Variants in DAB1 observed in about 807,000 individuals in gnomAD.
DAB1 encodes the protein DAB adaptor protein 1.
DAB1 carries 15 observed loss-of-function variants against 64.6 expected under a neutral mutation model. That is an observed-to-expected ratio of 0.23 (90% CI 0.16 to 0.36). The LOEUF (loss-of-function observed/expected upper bound fraction) is 0.36, where lower values mean the gene tolerates loss of function less well. Ranked by LOEUF, DAB1 falls within the 10% of genes least tolerant of loss-of-function variation. The pLI is 1.00. For missense variants in DAB1, 596 were observed against 706.7 expected, an observed-to-expected ratio of 0.84 and a Z score of 1.78; for synonymous variants, 235 against 251.9, an observed-to-expected ratio of 0.93 and a Z score of 0.64.
intron 6 of DAB1, among the ~76,000 whole-genome samples, chr1:57,747,538 G>A (rs1036837678): frequency 2.6e-5 from 4 of 151,986 alleles, no homozygotes; most frequent in Non-Finnish European, 5.9e-5. Flanking sequence ...GGCCAGGCAC[G>A]GTGGCTCACG....
intron 2 of DAB1, among the ~76,000 whole-genome samples, chr1:57,232,896 G>T (rs904834232): frequency 3.3e-5 from 5 of 152,138 alleles, no homozygotes; most frequent in African/African-American, 7.2e-5. Flanking sequence ...TTTTAGAATG[G>T]GATTGTCATT....
intron 2 of DAB1, among the ~76,000 whole-genome samples, chr1:58,527,108 A>T (rs902093779): frequency 2.6e-5 from 4 of 152,174 alleles, no homozygotes; most frequent in Non-Finnish European, 4.4e-5. Flanking sequence ...CAAGGTCCAT[A>T]ATCTTCAAAT....
chr1:57,791,211 G>C (rs908930155), intron 6 of DAB1, among the ~76,000 whole-genome samples: 1 of 152,256 alleles, frequency 6.6e-6, no homozygotes, highest in South Asian at 2.1e-4. Context: ...ACCAAGGAAG[G>C]ATCCACCAGT....
chr1:58,249,308 T>A (rs1054560286), intron 4 of DAB1, among the ~76,000 whole-genome samples: 1 of 150,684 alleles, frequency 6.6e-6, no homozygotes, highest in Non-Finnish European at 1.5e-5. Context: ...TCGGAACAGC[T>A]CCCCCCGCCC....
At chr1:57,071,184 C>T in intron 6 of DAB1, 123 bp from the exon 7 acceptor site, 1 of 958,388 alleles carries the variant, frequency 1.0e-6, no homozygotes, top group Non-Finnish European at 1.6e-6. Context: ...GCTGGTGGGC[C>T]ATCAAGGTAG....
At chr1:58,254,348 C>T (rs975915822) in intron 4 of DAB1, among the ~76,000 whole-genome samples, 2 of 151,880 alleles carry the variant, frequency 1.3e-5, no homozygotes, top group Non-Finnish European at 2.9e-5. Context: ...TGAGAGAGGT[C>T]GAGATCAACA....
chr1:57,919,522 G>C (rs1644779617), intron 5 of DAB1, among the ~76,000 whole-genome samples: 1 of 152,232 alleles, frequency 6.6e-6, no homozygotes, highest in Non-Finnish European at 1.5e-5. Flanking sequence ...CTTGAGCTAA[G>C]CCTTGGAAGA....
chr1:57,610,447 C>G (rs992603948), intron 7 of DAB1, among the ~76,000 whole-genome samples: 9 of 152,200 alleles, frequency 5.9e-5, no homozygotes, highest in Non-Finnish European at 1.0e-4. Flanking sequence ...GATTATGGGA[C>G]TTGCCCAATG....
At chr1:58,079,158 G>T (rs59078869) in intron 5 of DAB1, among the ~76,000 whole-genome samples, 1 of 152,316 alleles carries the variant, frequency 6.6e-6, no homozygotes, top group African/African-American at 2.4e-5. Flanking sequence ...TCACAAAGTA[G>T]ACGTGGGTTA....
chr1:57,731,465 T>G (rs1254772241), intron 6 of DAB1, among the ~76,000 whole-genome samples: 1 of 152,140 alleles, frequency 6.6e-6, no homozygotes, highest in African/African-American at 2.4e-5. Context: ...AATGTTGTTT[T>G]ATGCTATGTA....
At chr1:57,339,029 G>T (rs1462593377) in intron 1 of DAB1, among the ~76,000 whole-genome samples, 1 of 152,038 alleles carries the variant, frequency 6.6e-6, no homozygotes, top group African/African-American at 2.4e-5. Flanking sequence ...GATGTGAGAA[G>T]GTGTATATCA....
At chr1:58,454,949 C>T (rs1645179346) in intron 3 of DAB1, among the ~76,000 whole-genome samples, 1 of 152,236 alleles carries the variant, frequency 6.6e-6, no homozygotes, top group Admixed American at 6.5e-5. Context: ...CTTCAGGTCA[C>T]TCAGTGGTGA....
chr1:57,731,571 G>A (rs759814792), intron 6 of DAB1, among the ~76,000 whole-genome samples: 7 of 152,130 alleles, frequency 4.6e-5, no homozygotes, highest in Admixed American at 3.3e-4. Context: ...TTGGGAGGCC[G>A]AGGCAGGTAG....
Position 57,467,899 on chromosome 1 carries a change from G to A in DAB1, n.626-176733C>T, listed in dbSNP as rs558021225. 8.5e-5 allele frequency among the ~76,000 whole-genome samples: 13 copies of A among 152,232 alleles called. No individual in the cohort carries two copies. In the South Asian group the frequency reaches 1.9e-3, roughly 22 times the overall value. Reference sequence around the variant, plus strand: ...TTCTTTAGCATCTTGTTAAAATATTGTCTCATTCATTCATTCACTCATATT... The same window carrying A: ...TTCTTTAGCATCTTGTTAAAATATTATCTCATTCATTCATTCACTCATATT... On this transcript the variant is annotated intron_variant and non_coding_transcript_variant, in intron 7 of 20. Transcript: ENST00000485760.
At chr1:58,282,779 A>G (rs1001077360) in intron 4 of DAB1, among the ~76,000 whole-genome samples, 2 of 152,204 alleles carry the variant, frequency 1.3e-5, no homozygotes, top group Non-Finnish European at 2.9e-5. Context: ...TGTTGAAACC[A>G]TGCTTGTTCT....
intron 4 of DAB1, among the ~76,000 whole-genome samples, chr1:58,315,089 TAA>T (rs1484281973): frequency 1.3e-5 from 2 of 152,220 alleles, no homozygotes; most frequent in Non-Finnish European, 2.9e-5. Context: ...TGGTTTCTAA[TAA>T]GTTTAGAAAT....
chr1:58,479,311 T>C (rs1272275104), intron 3 of DAB1, among the ~76,000 whole-genome samples: 2 of 152,200 alleles, frequency 1.3e-5, no homozygotes, highest in Admixed American at 6.5e-5. Flanking sequence ...AATGATTATA[T>C]GGAGAATAGT....
chr1:58,208,744 C>T (rs1658407927), intron 4 of DAB1, among the ~76,000 whole-genome samples: 1 of 152,176 alleles, frequency 6.6e-6, no homozygotes, highest in Non-Finnish European at 1.5e-5. Flanking sequence ...GGTGCTGCTA[C>T]AAACGTGCAT....
intron 6 of DAB1, among the ~76,000 whole-genome samples, chr1:57,695,990 G>C (rs1646840483): frequency 6.6e-6 from 1 of 152,132 alleles, no homozygotes; most frequent in African/African-American, 2.4e-5. Context: ...TAACTCTGAA[G>C]CTATTATGAA....
Sources: allele counts gnomAD v4.1 joint callset (sites outside exome capture counted in the v4.1 genomes callset), GRCh38; gene constraint gnomAD v4.1.1; transcripts MANE v1.5; gene names NCBI Gene and HGNC (gene_info 2026-07-23, HGNC 2026-07-21).